FRYL: variants seen among roughly 807,000 people sequenced by gnomAD.
FRYL encodes protein furry homolog-like.
FRYL carries 150 observed loss-of-function variants against 351.2 expected under a neutral mutation model. That is an observed-to-expected ratio of 0.43 (90% CI 0.37 to 0.49). The LOEUF is 0.49. Ranked by LOEUF, FRYL falls within the 20% of genes least tolerant of loss-of-function variation. The probability of loss-of-function intolerance (pLI) is 0.00; values close to 1 mark genes in which losing one functional copy is unlikely to be tolerated. For missense variants in FRYL, 3,036 were observed against 3,619.3 expected, an observed-to-expected ratio of 0.84 and a Z score of 4.13; for synonymous variants, 1,153 against 1,257.1, an observed-to-expected ratio of 0.92 and a Z score of 1.75.
chr4:48,581,575 G>C lies in FRYL; in HGVS notation c.2017C>G (p.Pro673Ala), dbSNP rs757064388. The C allele has an allele frequency of 6.2e-7, 1 of 1,611,750 alleles. No homozygotes were observed. Among genetic ancestry groups the C allele is most frequent in the East Asian group, 2.2e-5 (1 of 44,800 alleles). Reference sequence around the variant, plus strand: ...GAATATGGGCTCCTTTCCAGAGGAGGGGGATGAGAAGCTCCATTAGCTACA... The same window carrying C: ...GAATATGGGCTCCTTTCCAGAGGAGCGGGATGAGAAGCTCCATTAGCTACA... ...HGVANGASHP[P>A]PLERSPYSNV... The change falls in exon 21 of 64, where the codon CCT becomes GCT. Residue 673 changes from proline (P) to alanine (A), a missense_variant. Transcript: ENST00000358350.
chr4:48,635,510 G>A (rs1211330958), intron 3 of FRYL, among the ~76,000 whole-genome samples: 2 of 152,204 alleles, frequency 1.3e-5, no homozygotes, highest in Admixed American at 1.3e-4. Flanking sequence ...GGATAGTGGT[G>A]CCATTTACTC....
intron 11 of FRYL, among the ~76,000 whole-genome samples, chr4:48,604,559 C>T (rs1055505029): frequency 6.6e-6 from 1 of 152,152 alleles, no homozygotes; most frequent in Non-Finnish European, 1.5e-5. Context: ...CAGAACCATG[C>T]TTCTACAAGC....
chr4:48,606,001 A>G (rs1746712646), intron 10 of FRYL, among the ~76,000 whole-genome samples, 168 bp from the exon 11 acceptor site: 1 of 149,974 alleles, frequency 6.7e-6, no homozygotes, highest in South Asian at 2.1e-4. Context: ...CACACCTGTA[A>G]TCCCACCACT....
At chr4:48,762,976 A>G (rs1774562302) in intron 1 of FRYL, among the ~76,000 whole-genome samples, 1 of 152,090 alleles carries the variant, frequency 6.6e-6, no homozygotes, top group African/African-American at 2.4e-5. Flanking sequence ...ACTATTCTCC[A>G]GGGAAAGCTA....
intron 62 of FRYL, 149 bp from the exon 63 acceptor site, chr4:48,500,369 T>A: frequency 4.0e-6 from 2 of 495,582 alleles, no homozygotes; most frequent in Non-Finnish European, 6.9e-6. Context: ...CAGTTAATAT[T>A]TCAAGTACTC....
intron 54 of FRYL, 38 bp from the exon 55 acceptor site, chr4:48,521,253 G>T: frequency 1.4e-6 from 2 of 1,471,770 alleles, no homozygotes; most frequent in South Asian, 1.2e-5. Context: ...ATTCATTTAT[G>T]AGTCAAAAGC....
intron 44 of FRYL, among the ~76,000 whole-genome samples, chr4:48,543,362 A>G (rs925196784): frequency 1.4e-4 from 22 of 152,224 alleles, no homozygotes; most frequent in African/African-American, 5.1e-4. Context: ...CTAGAATGTT[A>G]GGAACTTTGT....
At chr4:48,544,112 A>G in intron 43 of FRYL, 115 bp from the exon 44 acceptor site, 1 of 797,750 alleles carries the variant, frequency 1.3e-6, no homozygotes, top group Non-Finnish European at 2.0e-6. Context: ...TGGCTCTCAC[A>G]TTTTATAAGT....
intron 3 of FRYL, among the ~76,000 whole-genome samples, chr4:48,672,770 C>T (rs1762941872): frequency 6.6e-6 from 1 of 152,150 alleles, no homozygotes; most frequent in African/African-American, 2.4e-5. Flanking sequence ...AATTTTCTCC[C>T]AGGACCTTCT....
intron 24 of FRYL, 149 bp from the exon 25 acceptor site, chr4:48,575,390 T>A: frequency 1.2e-6 from 1 of 813,030 alleles, no homozygotes; most frequent in Non-Finnish European, 1.9e-6. Context: ...GGGGTGTACA[T>A]AACTTAAAAG....
chr4:48,705,498 T>C (rs1284480255), intron 2 of FRYL, among the ~76,000 whole-genome samples: 2 of 149,174 alleles, frequency 1.3e-5, no homozygotes, highest in African/African-American at 4.9e-5. Context: ...ACAAAGTATA[T>C]GGTATCCTAT....
chr4:48,509,872 G>A (rs1413765941), intron 59 of FRYL, among the ~76,000 whole-genome samples, 187 bp downstream of exon 59: 2 of 152,146 alleles, frequency 1.3e-5, no homozygotes, highest in Admixed American at 1.3e-4. Flanking sequence ...GCTGTTAGAG[G>A]ACTGATTTTT....
At chr4:48,634,530 T>C in intron 3 of FRYL, 40 bp from the exon 4 acceptor site, 1 of 1,528,510 alleles carries the variant, frequency 6.5e-7, no homozygotes, top group Non-Finnish European at 9.0e-7. Flanking sequence ...CTTTAATAAA[T>C]CAACTCAAGA....
chr4:48,771,052 A>G (rs1413535236), intron 1 of FRYL, among the ~76,000 whole-genome samples: 1 of 152,232 alleles, frequency 6.6e-6, no homozygotes. Flanking sequence ...AACAAGTCAC[A>G]GTCTCATTCT....
At chr4:48,678,424 G>T (rs780384879) in intron 3 of FRYL, among the ~76,000 whole-genome samples, 2 of 144,446 alleles carry the variant, frequency 1.4e-5, no homozygotes, top group Non-Finnish European at 3.0e-5. Context: ...CAGGAGAATC[G>T]CTTGAACAAG....
At chr4:48,621,693 G>A (rs1750672858) in intron 5 of FRYL, among the ~76,000 whole-genome samples, 2 of 152,152 alleles carry the variant, frequency 1.3e-5, no homozygotes, top group South Asian at 4.1e-4. Context: ...TAGAGCAGGA[G>A]TTAGTTATTG....
intron 55 of FRYL, among the ~76,000 whole-genome samples, chr4:48,516,649 T>A (rs1428033852): frequency 6.6e-6 from 1 of 152,202 alleles, no homozygotes; most frequent in African/African-American, 2.4e-5. Context: ...TATTCATATG[T>A]AAAACTCATC....
intron 54 of FRYL, 48 bp downstream of exon 54, chr4:48,522,853 A>G: frequency 2.2e-6 from 3 of 1,376,950 alleles, no homozygotes; most frequent in Non-Finnish European, 3.1e-6. Context: ...TTGGAAGTTA[A>G]GAGGAAAATG....
chr4:48,620,661 G>C lies in FRYL; in HGVS notation c.292C>G (p.Arg98Gly), dbSNP rs765153279. 6.2e-7 allele frequency: 1 copy of C among 1,613,466 alleles called. No homozygotes were observed. The highest frequency in any genetic ancestry group is 1.3e-5 in the African/African-American group (1 of 74,884). The change falls in exon 6 of 64, where the codon CGG becomes GGG. Residue 98 changes from arginine to glycine, a missense_variant. Physicochemically the swap from Arg to Gly is moderately radical, Grantham distance 125. This residue lies in a region of FRYL where 457 missense variants were observed against 566.6 expected (regional missense o/e 0.81). Transcript: ENST00000358350. ...TACCCCTTAGACTTTGTGCTAGACC[G>C]AGGCCTATATTCATAAGATTCATCT... is the stretch of plus-strand genomic sequence containing the variant. Reference protein sequence around the residue: ...TEDESYEYRPRSSTKSKGDEQ... With the variant: ...TEDESYEYRPGSSTKSKGDEQ...
Sources: gnomAD v4.1 joint callset for allele counts (sites outside exome capture counted in the v4.1 genomes callset) on GRCh38, gnomAD v4.1.1 for gene constraint, gnomAD v4.1.1 regional missense constraint, MANE v1.5 for transcripts, NCBI Gene and HGNC (gene_info 2026-07-23, HGNC 2026-07-21) for gene names.